Variants in CORIN observed in about 807,000 individuals in gnomAD.
CORIN encodes the protein atrial natriuretic peptide-converting enzyme.
Under a neutral mutation model 125.3 loss-of-function variants are expected in CORIN, and 117 were observed. That is an observed-to-expected ratio of 0.93 (90% CI 0.80 to 1.09). The LOEUF (loss-of-function observed/expected upper bound fraction) is 1.09. Among genes scored for constraint, CORIN ranks in the 50% least tolerant of loss-of-function variants. CORIN has a pLI of 0.00. For synonymous variants in CORIN, 450 were observed against 466.4 expected, an observed-to-expected ratio of 0.96 and a Z score of 0.45; for missense variants, 1,253 against 1,306.7, an observed-to-expected ratio of 0.96 and a Z score of 0.63.
chr4:47,810,967 C>G (rs1031791582), intron 1 of CORIN, among the ~76,000 whole-genome samples: 7 of 152,096 alleles, frequency 4.6e-5, no homozygotes, highest in African/African-American at 1.7e-4. Context: ...TTTGTGATCT[C>G]AAAAAAGGTA....
intron 5 of CORIN, among the ~76,000 whole-genome samples, chr4:47,736,347 CCCTG>C (rs1418901777): frequency 6.6e-6 from 1 of 152,120 alleles, no homozygotes; most frequent in African/African-American, 2.4e-5. Flanking sequence ...AGATCAATGC[CCCTG>C]TCAAGTACAA....
intron 20 of CORIN, 42 bp from the exon 21 acceptor site, chr4:47,600,389 T>C: frequency 2.0e-6 from 3 of 1,493,538 alleles, no homozygotes; most frequent in Non-Finnish European, 2.7e-6. Flanking sequence ...GATGATAAAA[T>C]GACTCAAAAG....
chr4:47,612,399 T>G (rs1721904886), intron 19 of CORIN, among the ~76,000 whole-genome samples: 1 of 152,180 alleles, frequency 6.6e-6, no homozygotes, highest in African/African-American at 2.4e-5. Flanking sequence ...ATGCAAAGTA[T>G]CTGTGGTTTT....
intron 6 of CORIN, among the ~76,000 whole-genome samples, chr4:47,686,713 G>A (rs571000407): frequency 2.6e-5 from 4 of 152,264 alleles, no homozygotes; most frequent in Non-Finnish European, 5.9e-5. Context: ...GCAATAGCCC[G>A]GGAAATAAGG....
chr4:47,772,608 G>A (rs528136658), intron 3 of CORIN, among the ~76,000 whole-genome samples: 1 of 152,198 alleles, frequency 6.6e-6, no homozygotes, highest in Admixed American at 6.5e-5. Context: ...CAAAATCCTG[G>A]CTACTATTTT....
At chr4:47,662,609 G>A (rs1724301854) in intron 11 of CORIN, among the ~76,000 whole-genome samples, 1 of 151,386 alleles carries the variant, frequency 6.6e-6, no homozygotes, top group South Asian at 2.1e-4. Flanking sequence ...ATATTACTAA[G>A]AAATTAGTTA....
chr4:47,739,112 G>C (rs533774640), intron 5 of CORIN, among the ~76,000 whole-genome samples: 2 of 152,046 alleles, frequency 1.3e-5, no homozygotes, highest in East Asian at 3.9e-4. Context: ...CCCAGAAAGA[G>C]ATAAAAGAAT....
intron 5 of CORIN, among the ~76,000 whole-genome samples, chr4:47,695,556 CCT>C (rs1191388925): frequency 1.3e-5 from 2 of 152,264 alleles, no homozygotes; most frequent in African/African-American, 2.4e-5. Context: ...ATTGATATCC[CCT>C]GTCTTGGCTG....
intron 19 of CORIN, among the ~76,000 whole-genome samples, chr4:47,622,983 C>T (rs1560476584): frequency 6.6e-6 from 1 of 151,878 alleles, no homozygotes; most frequent in Admixed American, 6.6e-5. Context: ...CTAATTTTCT[C>T]ACCTTGTTCA....
intron 3 of CORIN, among the ~76,000 whole-genome samples, chr4:47,765,301 A>G (rs1464643460): frequency 6.8e-6 from 1 of 146,016 alleles, no homozygotes; most frequent in Non-Finnish European, 1.5e-5. Flanking sequence ...ACAGAGCGAG[A>G]CTCCGTCCCC....
chr4:47,757,880 A>ATATATATATG (rs1553916064), intron 4 of CORIN, among the ~76,000 whole-genome samples: 1 of 119,302 alleles, frequency 8.4e-6, no homozygotes, highest in African/African-American at 4.0e-5. Flanking sequence ...ATATATATGT[A>ATATATATATG]TATATATATA....
At chr4:47,693,177 C>T in intron 5 of CORIN, 94 bp from the exon 6 acceptor site, 1 of 817,144 alleles carries the variant, frequency 1.2e-6, no homozygotes. Flanking sequence ...TCTTCTTTTG[C>T]TATTCAACAG....
chr4:47,595,951 A>G, intron 21 of CORIN, 48 bp from the exon 22 acceptor site: 2 of 1,480,898 alleles, frequency 1.4e-6, no homozygotes, highest in Non-Finnish European at 1.8e-6. Context: ...TCAGGGCAGT[A>G]ATGTGTGTCC....
chr4:47,604,087 A>T (rs1004486107), intron 19 of CORIN, among the ~76,000 whole-genome samples: 5 of 152,222 alleles, frequency 3.3e-5, no homozygotes, highest in Middle Eastern at 3.2e-3. Context: ...CCTCCTACAG[A>T]TTTCCAGCTC....
intron 19 of CORIN, among the ~76,000 whole-genome samples, chr4:47,616,174 A>T (rs1353233180): frequency 6.6e-6 from 1 of 152,080 alleles, no homozygotes; most frequent in Non-Finnish European, 1.5e-5. Context: ...GGTGGTGGTG[A>T]TTGGGTGGAA....
chr4:47,616,208 A>C (rs1722061705), intron 19 of CORIN, among the ~76,000 whole-genome samples: 1 of 152,144 alleles, frequency 6.6e-6, no homozygotes, highest in Non-Finnish European at 1.5e-5. Context: ...TGGAGATATA[A>C]ATTTAAAAGT....
At position 47,665,173 on chromosome 4, in the gene CORIN, T is replaced by A. The variant is rs1452395015; in HGVS notation, c.1448A>T (p.Lys483Met). 6.2e-7 allele frequency: 1 copy of A among 1,614,026 alleles called. No individual in the cohort carries two copies. Among genetic ancestry groups the A allele is most frequent in the Non-Finnish European group, 8.5e-7 (1 of 1,179,908 alleles). ...AGACTCCCAGCTGATGGATGCTTCC[T>A]TTTGAGTCCTGTGGCCAAAATAATT... ...YPNYFGHRTQ[K>M]EASISWESSL... The change falls in exon 11 of 22, where the codon AAG becomes ATG. Residue 483 changes from lysine to methionine, a missense_variant. Lys to Met is a moderately conservative substitution (Grantham distance 95). Transcript: ENST00000273857.
intron 3 of CORIN, among the ~76,000 whole-genome samples, chr4:47,771,419 T>C (rs993595206): frequency 2.0e-5 from 3 of 152,200 alleles, no homozygotes; most frequent in Non-Finnish European, 4.4e-5. Context: ...ACAGGGTCTC[T>C]CCATGAAGAT....
intron 1 of CORIN, among the ~76,000 whole-genome samples, chr4:47,832,451 T>C (rs527565857): frequency 1.4e-5 from 2 of 146,674 alleles, no homozygotes; most frequent in East Asian, 1.9e-4. Flanking sequence ...TTTTCTTTTT[T>C]TTTTTTTTTT....
Sources: allele counts gnomAD v4.1 joint callset (sites outside exome capture counted in the v4.1 genomes callset), GRCh38; gene constraint gnomAD v4.1.1; transcripts MANE v1.5; gene names NCBI Gene and HGNC (gene_info 2026-07-23, HGNC 2026-07-21).